FGF12: variants seen among roughly 807,000 people sequenced by gnomAD.
The protein encoded by FGF12 is fibroblast growth factor 12B.
FGF12 carries 14 observed loss-of-function variants against 23.6 expected under a neutral mutation model. That is an observed-to-expected ratio of 0.59 (90% CI 0.39 to 0.93). FGF12 has a LOEUF of 0.93. Ranked by LOEUF, FGF12 falls within the 40% of genes least tolerant of loss-of-function variation. FGF12 has a pLI of 0.00. For missense variants in FGF12, 175 were observed against 217.8 expected (o/e 0.80, Z 1.24); for synonymous variants, 62 against 77.3 (o/e 0.80, Z 1.04).
At chr3:192,156,925 T>C (rs1443772384) in intron 5 of FGF12, among the ~76,000 whole-genome samples, 1 of 152,256 alleles carries the variant, frequency 6.6e-6, no homozygotes, top group Non-Finnish European at 1.5e-5. Flanking sequence ...ATTTCAATTT[T>C]CTTCCTTCTT....
At chr3:192,158,917 C>T (rs961003608) in intron 5 of FGF12, among the ~76,000 whole-genome samples, 1 of 151,898 alleles carries the variant, frequency 6.6e-6, no homozygotes, top group Non-Finnish European at 1.5e-5. Flanking sequence ...ATCTAGAGCG[C>T]CATGGTGCAC....
At chr3:192,524,313 CA>C (rs142031464) in intron 2 of FGF12, among the ~76,000 whole-genome samples, 1 of 152,330 alleles carries the variant, frequency 6.6e-6, no homozygotes, top group East Asian at 1.9e-4. Context: ...TTTTTAGAAG[CA>C]GAAGGCAGCC....
chr3:192,240,219 A>G (rs1719536410), intron 4 of FGF12, among the ~76,000 whole-genome samples: 1 of 152,162 alleles, frequency 6.6e-6, no homozygotes, highest in South Asian at 2.1e-4. Flanking sequence ...ACGATGACTG[A>G]TAGATCCCAT....
intron 2 of FGF12, among the ~76,000 whole-genome samples, chr3:192,380,285 G>C (rs1268654736): frequency 6.6e-6 from 1 of 152,110 alleles, no homozygotes; most frequent in Non-Finnish European, 1.5e-5. Flanking sequence ...TTGCTTAATG[G>C]ACTGGTGTCT....
At chr3:192,328,098 T>C (rs1446268491) in intron 4 of FGF12, among the ~76,000 whole-genome samples, 1 of 152,314 alleles carries the variant, frequency 6.6e-6, no homozygotes, top group Non-Finnish European at 1.5e-5. Context: ...GGTAGTCAGA[T>C]GAGTGAGGGC....
chr3:192,570,940 A>C (rs1712604365), intron 2 of FGF12, among the ~76,000 whole-genome samples: 1 of 152,216 alleles, frequency 6.6e-6, no homozygotes, highest in Non-Finnish European at 1.5e-5. Flanking sequence ...AAAGTAAATG[A>C]CGTAGTAATG....
chr3:192,697,426 T>C (rs761077096), intron 2 of FGF12, among the ~76,000 whole-genome samples: 31 of 152,304 alleles, frequency 2.0e-4, no homozygotes, highest in Non-Finnish European at 4.1e-4. Flanking sequence ...GGGGAAATTA[T>C]TGATACTGTC....
chr3:192,457,714 AAAAT>A (rs1560117090), intron 2 of FGF12, among the ~76,000 whole-genome samples: 1 of 152,246 alleles, frequency 6.6e-6, no homozygotes, highest in African/African-American at 2.4e-5. Context: ...GATGCAATAG[AAAAT>A]AAATACCCAT....
chr3:192,333,940 G>T (rs150198184), intron 4 of FGF12, among the ~76,000 whole-genome samples: 6 of 152,044 alleles, frequency 3.9e-5, no homozygotes, highest in Admixed American at 2.6e-4. Context: ...AATGATTTTG[G>T]GGGGGAGTTC....
At chr3:192,211,299 A>G (rs962024130) in intron 4 of FGF12, among the ~76,000 whole-genome samples, 1 of 152,248 alleles carries the variant, frequency 6.6e-6, no homozygotes, top group Non-Finnish European at 1.5e-5. Context: ...TTAAGCAACT[A>G]AAAGGGTAGA....
chr3:192,245,022 C>T (rs1046051808), intron 4 of FGF12: 2 of 151,766 alleles, frequency 1.3e-5, no homozygotes, highest in African/African-American at 4.8e-5. Context: ...GTGTGAGCCT[C>T]AGAAACAATT....
chr3:192,158,651 C>CCTTCTTT (rs1560171894), intron 5 of FGF12, among the ~76,000 whole-genome samples: 1 of 650 alleles, frequency 1.5e-3, no homozygotes, highest in African/African-American at 6.0e-3. Flanking sequence ...CTCCCTCCCT[C>CCTTCTTT]CCTCCCTTCC....
chr3:192,538,954 C>T (rs1309349706), intron 2 of FGF12, among the ~76,000 whole-genome samples: 2 of 152,078 alleles, frequency 1.3e-5, no homozygotes, highest in African/African-American at 2.4e-5. Context: ...TTGCTGTTGG[C>T]ATATAGAAAT....
At chr3:192,487,451 C>G (rs547195049) in intron 2 of FGF12, among the ~76,000 whole-genome samples, 1 of 152,100 alleles carries the variant, frequency 6.6e-6, no homozygotes, top group Non-Finnish European at 1.5e-5. Flanking sequence ...TCATCCAAGC[C>G]TAGTGCTTAG....
intron 2 of FGF12, among the ~76,000 whole-genome samples, chr3:192,490,581 A>T (rs528908858): frequency 6.0e-4 from 92 of 152,222 alleles, no homozygotes; most frequent in Non-Finnish European, 1.2e-3. Context: ...ATATATATAT[A>T]TTTACCAAAA....
intron 2 of FGF12, among the ~76,000 whole-genome samples, chr3:192,679,176 T>C (rs1251245474): frequency 6.6e-6 from 1 of 152,068 alleles, no homozygotes; most frequent in Non-Finnish European, 1.5e-5. Context: ...GAAGGTCATA[T>C]TTAGATGGGA....
chr3:192,709,792 C>G (rs750062002), intron 2 of FGF12, among the ~76,000 whole-genome samples: 7 of 152,180 alleles, frequency 4.6e-5, no homozygotes, highest in Admixed American at 6.5e-5. Flanking sequence ...ACTTCCACCC[C>G]CTAGAGCCTC....
At chr3:192,463,636 C>A (rs1722925316) in intron 2 of FGF12, among the ~76,000 whole-genome samples, 1 of 152,106 alleles carries the variant, frequency 6.6e-6, no homozygotes, top group Non-Finnish European at 1.5e-5. Context: ...CCACCCGACA[C>A]CTTCCCAGCC....
chr3:192,707,744 CAAAA>C (rs780175053), intron 2 of FGF12, among the ~76,000 whole-genome samples: 1 of 84,838 alleles, frequency 1.2e-5, no homozygotes, highest in Admixed American at 1.4e-4. Context: ...GACTCCTTCT[CAAAA>C]AAAAAAAAAA....
Sources: gnomAD v4.1 joint callset for allele counts (sites outside exome capture counted in the v4.1 genomes callset) on GRCh38, gnomAD v4.1.1 for gene constraint, MANE v1.5 for transcripts, NCBI Gene and HGNC (gene_info 2026-07-23, HGNC 2026-07-21) for gene names.